Variants in RAI14 observed in about 807,000 individuals in gnomAD.
RAI14 encodes the protein ankycorbin.
In RAI14, 45 loss-of-function variants were observed where a neutral mutation model predicts 115.4. That is an observed-to-expected ratio of 0.39 (90% CI 0.31 to 0.50). RAI14 has a LOEUF of 0.50. Ranked by LOEUF, RAI14 falls within the 20% of genes least tolerant of loss-of-function variation. RAI14 has a pLI of 0.85. For synonymous variants in RAI14, 371 were observed against 415.4 expected (o/e 0.89, Z 1.30); for missense variants, 939 against 1,131.2 (o/e 0.83, Z 2.44).
intron 1 of RAI14, among the ~76,000 whole-genome samples, chr5:34,667,595 G>A (rs565286291): frequency 2.0e-5 from 3 of 152,038 alleles, no homozygotes; most frequent in East Asian, 3.9e-4. Context: ...TTAAAACATA[G>A]GCATAGAAAT....
At chr5:34,800,937 G>T (rs1011289510) in intron 4 of RAI14, among the ~76,000 whole-genome samples, 3 of 152,176 alleles carry the variant, frequency 2.0e-5, no homozygotes, top group African/African-American at 7.2e-5. Flanking sequence ...ACCTTCATTT[G>T]TAAGGCATTT....
chr5:34,830,632 A>G (rs749414509), intron 17 of RAI14, 56 bp from the exon 18 acceptor site: 3 of 1,610,346 alleles, frequency 1.9e-6, no homozygotes, highest in Non-Finnish European at 1.7e-6. Context: ...CCCAGAGAAG[A>G]AAGTGCCATG....
intron 3 of RAI14, among the ~76,000 whole-genome samples, chr5:34,785,414 G>A (rs1224646443): frequency 1.3e-5 from 2 of 152,082 alleles, no homozygotes. Flanking sequence ...ATCAGAACTT[G>A]TACTCCCCAT....
intron 3 of RAI14, among the ~76,000 whole-genome samples, chr5:34,770,450 A>G (rs1489304727): frequency 6.6e-6 from 1 of 152,258 alleles, no homozygotes; most frequent in Non-Finnish European, 1.5e-5. Context: ...CTCTGCCTTC[A>G]TGGTACACAC....
At chr5:34,806,360 G>T (rs750984182) in intron 5 of RAI14, among the ~76,000 whole-genome samples, 3 of 152,154 alleles carry the variant, frequency 2.0e-5, no homozygotes, top group Non-Finnish European at 4.4e-5. Context: ...AGTGTGAGGG[G>T]CTTTTAAGTA....
At chr5:34,727,446 G>A (rs184269732) in intron 2 of RAI14, among the ~76,000 whole-genome samples, 5 of 152,306 alleles carry the variant, frequency 3.3e-5, no homozygotes, top group East Asian at 3.9e-4. Context: ...ACAAGAAGCC[G>A]AATGTTAATC....
intron 1 of RAI14, 146 bp downstream of exon 1, chr5:34,656,621 C>T (rs1377011814): frequency 1.3e-5 from 2 of 152,470 alleles, no homozygotes; most frequent in East Asian, 1.9e-4. Context: ...GGGGTCCCGC[C>T]ACCTCTCCCT....
intron 4 of RAI14, among the ~76,000 whole-genome samples, chr5:34,798,227 C>T (rs1293475389): frequency 6.6e-6 from 1 of 151,982 alleles, no homozygotes; most frequent in South Asian, 2.1e-4. Context: ...TTAGTAGAGG[C>T]GGGGTTTCAC....
chr5:34,811,471 A>G (rs571986651), intron 8 of RAI14, among the ~76,000 whole-genome samples: 14 of 152,304 alleles, frequency 9.2e-5, no homozygotes, highest in African/African-American at 3.4e-4. Flanking sequence ...AGGTAAAACA[A>G]GGATAAGATT....
rs1056439823 is a variant in RAI14, at chr5:34,827,574, C to A, written c.2799+1095C>A. 6.6e-6 allele frequency among the ~76,000 whole-genome samples: 1 copy of A among 152,164 alleles called. No individual in the cohort carries two copies. Among genetic ancestry groups the A allele is most frequent in the East Asian group, 1.9e-4 (1 of 5,190 alleles). ...TAACTGTAGTGAATTCAGGTTTCTG[C>A]AGTCCTTACTCTGGCTGGCCACAAA... is the stretch of plus-strand genomic sequence containing the variant. On this transcript the variant is annotated intron_variant, in intron 16 of 17. Transcript: ENST00000265109. The surrounding 1 kb of genome is among the most constrained non-coding windows in gnomAD (Gnocchi z 4.2).
At chr5:34,708,899 T>C (rs1741056776) in intron 2 of RAI14, among the ~76,000 whole-genome samples, 1 of 152,018 alleles carries the variant, frequency 6.6e-6, no homozygotes. Flanking sequence ...TCCCATATCT[T>C]TGGGAGGCTA....
chr5:34,670,975 T>G (rs1045540669), intron 1 of RAI14, among the ~76,000 whole-genome samples: 3 of 152,228 alleles, frequency 2.0e-5, no homozygotes, highest in African/African-American at 4.8e-5. Flanking sequence ...AGACATGTTT[T>G]CTGAATAGTA....
At chr5:34,689,654 C>A (rs968030384) in intron 2 of RAI14, among the ~76,000 whole-genome samples, 5 of 152,180 alleles carry the variant, frequency 3.3e-5, no homozygotes, top group African/African-American at 9.7e-5. Flanking sequence ...AGAAGGATCA[C>A]CTGAGGTTGA....
intron 1 of RAI14, among the ~76,000 whole-genome samples, chr5:34,673,002 GA>G (rs1486416374): frequency 4.6e-5 from 7 of 152,144 alleles, no homozygotes; most frequent in African/African-American, 1.7e-4. Context: ...CAAGTCCCAG[GA>G]GAGCAGAGAA....
chr5:34,746,484 A>G (rs1054413010), intron 2 of RAI14, among the ~76,000 whole-genome samples: 2 of 146,518 alleles, frequency 1.4e-5, no homozygotes, highest in African/African-American at 5.1e-5. Context: ...GGCTCACTGC[A>G]ACCTCTGTCT....
At chr5:34,686,978 T>C in intron 2 of RAI14, 23 bp downstream of exon 2, 1 of 1,613,120 alleles carries the variant, frequency 6.2e-7, no homozygotes, top group Non-Finnish European at 8.5e-7. Context: ...TGACTCACAG[T>C]CTGGCTGTTC....
intron 3 of RAI14, among the ~76,000 whole-genome samples, chr5:34,768,628 A>G (rs1205548313): frequency 6.6e-6 from 1 of 152,218 alleles, no homozygotes; most frequent in Admixed American, 6.5e-5. Flanking sequence ...ATAATGCCCA[A>G]GTACCATTTC....
At chr5:34,794,711 A>T (rs1753304112) in intron 3 of RAI14, among the ~76,000 whole-genome samples, 1 of 152,168 alleles carries the variant, frequency 6.6e-6, no homozygotes, top group Admixed American at 6.5e-5. Flanking sequence ...AAACACACAG[A>T]TAATTATGTT....
chr5:34,783,197 C>G (rs1422521901), intron 3 of RAI14, among the ~76,000 whole-genome samples: 4 of 152,214 alleles, frequency 2.6e-5, no homozygotes, highest in African/African-American at 7.2e-5. Flanking sequence ...TTAAATTACT[C>G]ATTGTGACTG....
Sources: allele counts gnomAD v4.1 joint callset (sites outside exome capture counted in the v4.1 genomes callset), GRCh38; gene constraint gnomAD v4.1.1; non-coding constraint Gnocchi (gnomAD v3.1); transcripts MANE v1.5; gene names NCBI Gene and HGNC (gene_info 2026-07-23, HGNC 2026-07-21).